NRXN3: variants seen among roughly 807,000 people sequenced by gnomAD.
NRXN3 encodes neurexin 3.
In NRXN3, 32 loss-of-function variants were observed where a neutral mutation model predicts 137.6. The observed-to-expected ratio is 0.23, with a 90% confidence interval of 0.18 to 0.31. The LOEUF (loss-of-function observed/expected upper bound fraction) is 0.31, where lower values mean the gene tolerates loss of function less well. NRXN3 is among the 10% of genes least tolerant of loss of function. NRXN3 has a pLI of 1.00. For missense variants in NRXN3, 1,574 were observed against 2,062.5 expected, an observed-to-expected ratio of 0.76 and a Z score of 4.59; for synonymous variants, 798 against 784.5, an observed-to-expected ratio of 1.02 and a Z score of -0.29.
At chr14:78,246,662 A>G (rs943183047) in intron 2 of NRXN3, among the ~76,000 whole-genome samples, 3 of 152,216 alleles carry the variant, frequency 2.0e-5, no homozygotes, top group African/African-American at 7.2e-5. Context: ...ATCACAGACT[A>G]TTAGAAAATA....
At chr14:79,123,281 C>T (rs2055807510) in intron 15 of NRXN3, among the ~76,000 whole-genome samples, 1 of 151,970 alleles carries the variant, frequency 6.6e-6, no homozygotes, top group South Asian at 2.1e-4. Flanking sequence ...AGGAAGAGCC[C>T]CCCACTCTGT....
chr14:78,604,359 G>A (rs1010468993), intron 4 of NRXN3, among the ~76,000 whole-genome samples: 1 of 151,506 alleles, frequency 6.6e-6, no homozygotes, highest in Non-Finnish European at 1.5e-5. Flanking sequence ...TTTTGTGCAG[G>A]GATGACAAGA....
intron 10 of NRXN3, among the ~76,000 whole-genome samples, chr14:78,912,218 G>A (rs2099240806): frequency 6.6e-6 from 1 of 151,022 alleles, no homozygotes; most frequent in East Asian, 2.0e-4. Flanking sequence ...ATGGTTTCCA[G>A]CTTCATCCAT....
chr14:78,487,738 A>T (rs1215553630), intron 4 of NRXN3, among the ~76,000 whole-genome samples: 1 of 132,228 alleles, frequency 7.6e-6, no homozygotes, highest in Non-Finnish European at 1.6e-5. Flanking sequence ...GTGAAACTCC[A>T]TCTCATAAAT....
At chr14:79,578,788 C>T (rs575852486) in intron 16 of NRXN3, among the ~76,000 whole-genome samples, 7 of 152,194 alleles carry the variant, frequency 4.6e-5, no homozygotes, top group South Asian at 4.2e-4. Flanking sequence ...CAAAAGGAAA[C>T]GCTGTTTTGA....
At chr14:79,525,562 T>C (rs943911539) in intron 16 of NRXN3, among the ~76,000 whole-genome samples, 1 of 152,208 alleles carries the variant, frequency 6.6e-6, no homozygotes, top group South Asian at 2.1e-4. Context: ...TCCCCACAAA[T>C]GAATCAGTCA....
intron 19 of NRXN3, among the ~76,000 whole-genome samples, chr14:79,766,860 C>A (rs1248140375): frequency 6.6e-6 from 1 of 152,080 alleles, no homozygotes; most frequent in Non-Finnish European, 1.5e-5. Context: ...TAGTGGTGAA[C>A]CTACATGGTG....
chr14:78,261,749 G>T (rs936829476), intron 2 of NRXN3, among the ~76,000 whole-genome samples: 1 of 152,068 alleles, frequency 6.6e-6, no homozygotes, highest in Admixed American at 6.5e-5. Context: ...CTTACAATGG[G>T]CCACTCAGGT....
intron 4 of NRXN3, among the ~76,000 whole-genome samples, chr14:78,381,907 A>G (rs1414642805): frequency 6.6e-6 from 1 of 152,196 alleles, no homozygotes; most frequent in Non-Finnish European, 1.5e-5. Flanking sequence ...TGAACAGGTT[A>G]GTGGTTTCCA....
chr14:78,944,113 C>T (rs539161941), intron 10 of NRXN3, among the ~76,000 whole-genome samples: 23 of 152,184 alleles, frequency 1.5e-4, no homozygotes, highest in Admixed American at 3.3e-4. Flanking sequence ...CTTTGGGAAA[C>T]GGAATTTGCT....
At chr14:79,531,032 G>A (rs994021272) in intron 16 of NRXN3, among the ~76,000 whole-genome samples, 1 of 152,128 alleles carries the variant, frequency 6.6e-6, no homozygotes, top group East Asian at 1.9e-4. Flanking sequence ...GTGTTGCAGT[G>A]TCCTCACATT....
In NRXN3 at chr14:79,865,262, A is replaced by G. The variant is rs530710443; in HGVS notation, c.*3298A>G. The G allele has an allele frequency of 2.0e-5, 3 of 152,344 alleles. No individual in the cohort carries two copies. Among genetic ancestry groups the G allele is most frequent in the South Asian group, 4.1e-4 (2 of 4,828 alleles). The allele number at this position is 152,344 out of a possible 1,614,324, so 9.4% of individuals were successfully genotyped here. On this transcript the variant is annotated 3_prime_UTR_variant, in exon 21 of 21. Coordinates refer to ENST00000335750, the MANE Select transcript of NRXN3 (RefSeq NM_001330195.2). ...TTTAAATGAGTTCTTCAATTTTAACAGCTTCTTACAAGAATTTCTGATTAC... is the reference window on the plus strand; with the variant it reads ...TTTAAATGAGTTCTTCAATTTTAACGGCTTCTTACAAGAATTTCTGATTAC...
intron 4 of NRXN3, among the ~76,000 whole-genome samples, chr14:78,637,465 C>G (rs943519403): frequency 1.3e-5 from 2 of 152,194 alleles, no homozygotes; most frequent in African/African-American, 4.8e-5. Context: ...CATACCTTCT[C>G]AACAACAATG....
At chr14:78,428,528 A>C (rs1236622702) in intron 4 of NRXN3, among the ~76,000 whole-genome samples, 2 of 152,172 alleles carry the variant, frequency 1.3e-5, no homozygotes, top group African/African-American at 4.8e-5. Flanking sequence ...TCTCCTATTG[A>C]GAGAGAGTGA....
At chr14:79,060,768 C>T (rs1463774445) in intron 15 of NRXN3, among the ~76,000 whole-genome samples, 2 of 152,008 alleles carry the variant, frequency 1.3e-5, no homozygotes, top group Non-Finnish European at 2.9e-5. Flanking sequence ...GAAAATTCCT[C>T]CCTCTTTTTT....
At chr14:78,416,866 G>A (rs2093168307) in intron 4 of NRXN3, among the ~76,000 whole-genome samples, 1 of 152,150 alleles carries the variant, frequency 6.6e-6, no homozygotes, top group African/African-American at 2.4e-5. Flanking sequence ...TTACTCCAGT[G>A]GCATTTGGGT....
At chr14:79,386,736 A>G (rs2094632028) in intron 15 of NRXN3, among the ~76,000 whole-genome samples, 1 of 152,112 alleles carries the variant, frequency 6.6e-6, no homozygotes, top group Non-Finnish European at 1.5e-5. Flanking sequence ...ACAGCATGGT[A>G]CTGGTACCAA....
At position 79,586,930 on chromosome 14, in the gene NRXN3, T is replaced by G. The variant is rs2097768978; in HGVS notation, c.3445-76848T>G. Among the ~76,000 whole-genome samples the G allele has an allele frequency of 2.0e-5, 3 of 152,238 alleles. No homozygotes were observed. In the South Asian group the frequency reaches 6.2e-4, roughly 31 times the overall value. ...GCCTAATAATAGTAGTTACAGGCTATAATAGGCTATTAATTCATTATCATC... is the reference window on the plus strand; with the variant it reads ...GCCTAATAATAGTAGTTACAGGCTAGAATAGGCTATTAATTCATTATCATC... On this transcript the variant is annotated intron_variant, in intron 16 of 20. Coordinates refer to ENST00000335750, the MANE Select transcript of NRXN3 (RefSeq NM_001330195.2).
chr14:79,656,689 C>T (rs2153979353), intron 16 of NRXN3, among the ~76,000 whole-genome samples: 1 of 151,362 alleles, frequency 6.6e-6, no homozygotes, highest in South Asian at 2.1e-4. Flanking sequence ...TCTCTCTGCG[C>T]CCTCTGTTAG....
Sources: allele counts gnomAD v4.1 joint callset (sites outside exome capture counted in the v4.1 genomes callset), GRCh38; gene constraint gnomAD v4.1.1; transcripts MANE v1.5; gene names NCBI Gene and HGNC (gene_info 2026-07-23, HGNC 2026-07-21).